The following PCDHGA2 variants were observed in gnomAD, a reference collection of about 807,000 sequenced individuals.
The protein encoded by PCDHGA2 is protocadherin gamma subfamily A, 2.
PCDHGA2 carries 40 observed loss-of-function variants against 59.2 expected under a neutral mutation model. The observed-to-expected ratio is 0.68, with a 90% CI of 0.52 to 0.88. The LOEUF is 0.88. Ranked by LOEUF, PCDHGA2 falls within the 40% of genes least tolerant of loss-of-function variation. The probability of loss-of-function intolerance (pLI) is 0.00; values close to 1 mark genes in which losing one functional copy is unlikely to be tolerated. For missense variants in PCDHGA2, 1,226 were observed against 1,204.0 expected (o/e 1.02, Z -0.27); for synonymous variants, 560 against 526.0 (o/e 1.06, Z -0.89).
At chr5:141,460,951 G>GTATATATATA (rs200454978) in intron 1 of PCDHGA2, among the ~76,000 whole-genome samples, 1 of 139,722 alleles carries the variant, frequency 7.2e-6, no homozygotes, top group African/African-American at 2.8e-5. Context: ...TATGTATTAT[G>GTATATATATA]TATATATATA....
At chr5:141,346,224 G>A in intron 1 of PCDHGA2, 3 of 1,614,182 alleles carry the variant, frequency 1.9e-6, no homozygotes, top group South Asian at 1.1e-5. Context: ...TTCGGGAGGC[G>A]GCTTGGCGAG....
At chr5:141,484,989 T>C (rs1295192640) in intron 1 of PCDHGA2, 4 of 604,024 alleles carry the variant, frequency 6.6e-6, no homozygotes, top group Non-Finnish European at 1.2e-5. Context: ...AATCGGGTGG[T>C]GAAAGGCAGA....
At chr5:141,383,991 A>C in intron 1 of PCDHGA2, 1 of 1,613,866 alleles carries the variant, frequency 6.2e-7, no homozygotes, top group Non-Finnish European at 8.5e-7. Flanking sequence ...CTCTTGGGAC[A>C]GTCATTGCTC....
intron 1 of PCDHGA2, chr5:141,352,529 G>T: frequency 6.2e-7 from 1 of 1,613,988 alleles, no homozygotes; most frequent in Non-Finnish European, 8.5e-7. Context: ...CTCTCATTCT[G>T]CAAAGACAGA....
At chr5:141,454,796 A>ATTTTTTTTTTTTTTTTTTTTTTTT (rs61612330) in intron 1 of PCDHGA2, among the ~76,000 whole-genome samples, 4 of 77,456 alleles carry the variant, frequency 5.2e-5, no homozygotes, top group Non-Finnish European at 9.3e-5. Flanking sequence ...CATGGTTCTA[A>ATTTTTTTTTTTTTTTTTTTTTTTT]TTTTTTTTTT....
intron 1 of PCDHGA2, chr5:141,361,964 A>G: frequency 3.7e-6 from 6 of 1,602,142 alleles, no homozygotes; most frequent in Non-Finnish European, 5.1e-6. Flanking sequence ...CACGTGCTGC[A>G]GGCCAGCGAG....
At chr5:141,377,473 G>A (rs1467921393) in intron 1 of PCDHGA2, 2 of 152,044 alleles carry the variant, frequency 1.3e-5, no homozygotes, top group Admixed American at 1.3e-4. Flanking sequence ...GCGTACACCT[G>A]TAGTCCCAGC....
chr5:141,370,709 A>G lies in PCDHGA2; in HGVS notation c.2424+29314A>G, dbSNP rs759693672. On this transcript the variant is annotated intron_variant, in intron 1 of 3. Coordinates refer to ENST00000394576, the MANE Select transcript of PCDHGA2 (RefSeq NM_018915.4). ...GCAAGAAGTCGACGTGTGTTCTGGA[A>G]TTTGAAATGGTTGCTGAAAAGCCTT... 3 of 1,613,738 alleles carry G rather than the reference A, an allele frequency of 1.9e-6. No individual in the cohort carries two copies. The African/African-American group carries it at 4.0e-5, about 22-fold the overall frequency.
chr5:141,403,741 T>G, intron 1 of PCDHGA2: 1 of 1,613,906 alleles, frequency 6.2e-7, no homozygotes. Context: ...GGCTGCTTAC[T>G]GCAACAGCCA....
chr5:141,389,293 C>T, intron 1 of PCDHGA2: 3 of 1,614,036 alleles, frequency 1.9e-6, no homozygotes, highest in Non-Finnish European at 2.5e-6. Context: ...GCCTCTATTT[C>T]ACAAGTCAGG....
chr5:141,446,482 CTT>C (rs112180482), intron 1 of PCDHGA2, among the ~76,000 whole-genome samples: 6 of 147,048 alleles, frequency 4.1e-5, no homozygotes, highest in East Asian at 4.0e-4. Context: ...GGTCATCATT[CTT>C]TTTTTTTTTT....
At chr5:141,367,326 C>G (rs1765062617) in intron 1 of PCDHGA2, 3 of 152,420 alleles carry the variant, frequency 2.0e-5, no homozygotes. Context: ...ATCACGAGGT[C>G]AGGAGATCGA....
intron 1 of PCDHGA2, chr5:141,394,033 G>C (rs1242755844): frequency 1.2e-6 from 2 of 1,613,422 alleles, no homozygotes; most frequent in Non-Finnish European, 1.7e-6. Context: ...TTAGTGACAA[G>C]GAAATATTTG....
rs747671382 is a variant in PCDHGA2 at position 141,444,152 on chromosome 5, ATTTTTTTTTTTTTTTTTTTT to A, written c.2425-50638_2425-50619del. ...GATATGTGTCACTTGTGTGTACTGG[ATTTTTTTTTTTTTTTTTTTT>A]TTTTTTTTTTTTTTTTGAGATGGAG... On this transcript the variant is annotated intron_variant, in intron 1 of 3. Transcript: ENST00000394576. 2.4e-4 allele frequency among the ~76,000 whole-genome samples: 8 copies of A among 33,898 alleles called. No homozygotes were observed. In the East Asian group the frequency reaches 3.0e-3, roughly 13 times the overall value. 22.2% of individuals were successfully genotyped at this position (33,898 alleles called of 152,430 possible). A position where few individuals can be genotyped will look rare whatever the true frequency, so the allele number is the denominator to read the frequency against.
At position 141,352,311 on chromosome 5, in the gene PCDHGA2, T is replaced by G. The variant is rs1401327005; in HGVS notation, c.2424+10916T>G. The G allele has an allele frequency of 8.1e-6, 13 of 1,613,938 alleles. No homozygotes were observed. Among genetic ancestry groups the G allele is most frequent in the Non-Finnish European group, 1.1e-5 (13 of 1,179,916 alleles). On this transcript the variant is annotated intron_variant, in intron 1 of 3. Transcript: ENST00000394576. ...GAGCCCTCTGACCCCCAGACGGAAC[T>G]GCAGTTTTACCTGGTTGTGGCCTTG...
intron 1 of PCDHGA2, chr5:141,350,090 A>G (rs939452294): frequency 1.8e-5 from 8 of 453,740 alleles, no homozygotes; most frequent in Non-Finnish European, 3.0e-5. Flanking sequence ...CAGGAGCGTC[A>G]GGCAGGGTGC....
chr5:141,347,873 T>C (rs533227612), intron 1 of PCDHGA2, among the ~76,000 whole-genome samples: 23 of 152,314 alleles, frequency 1.5e-4, no homozygotes, highest in Non-Finnish European at 2.6e-4. Flanking sequence ...TATGTGTGTA[T>C]TCATTTTGAT....
intron 1 of PCDHGA2, chr5:141,441,551 T>C (rs2098254450): frequency 5.4e-6 from 1 of 184,050 alleles, no homozygotes; most frequent in African/African-American, 2.4e-5. Flanking sequence ...GCCTCCATAG[T>C]GTGCAAGTAG....
intron 1 of PCDHGA2, chr5:141,417,543 C>T: frequency 6.5e-6 from 2 of 307,994 alleles, no homozygotes; most frequent in Non-Finnish European, 1.2e-5. Flanking sequence ...AAAAAAAATT[C>T]CTTGAAAGAG....
Sources: gnomAD v4.1 joint callset for allele counts (sites outside exome capture counted in the v4.1 genomes callset) on GRCh38, gnomAD v4.1.1 for gene constraint, MANE v1.5 for transcripts, NCBI Gene and HGNC (gene_info 2026-07-23, HGNC 2026-07-21) for gene names.